HDGFL3: variants seen among roughly 807,000 people sequenced by gnomAD.
HDGFL3 encodes the protein HDGF like 3, also known as hepatoma-derived growth factor-related protein 3.
A neutral mutation model predicts 27.6 loss-of-function variants in HDGFL3; 6 were observed. The ratio of observed to expected loss-of-function variants is 0.22; its 90% CI spans 0.12 to 0.43. HDGFL3 has a LOEUF of 0.43. Ranked by LOEUF, HDGFL3 falls within the 20% of genes least tolerant of loss-of-function variation. The pLI, the probability that HDGFL3 is intolerant of heterozygous loss-of-function variation, is 1.00. For synonymous variants in HDGFL3, 88 were observed against 88.9 expected, an observed-to-expected ratio of 0.99 and a Z score of 0.05; for missense variants, 207 against 250.1, an observed-to-expected ratio of 0.83 and a Z score of 1.16.
At chr15:83,195,348 A>AT (rs956530739) in intron 1 of HDGFL3, among the ~76,000 whole-genome samples, 5 of 151,362 alleles carry the variant, frequency 3.3e-5, no homozygotes, top group South Asian at 2.1e-4. Context: ...TTTAATGTAG[A>AT]TTTTTTTTTG....
downstream of HDGFL3, chr15:83,127,382 G>C: frequency 6.2e-7 from 1 of 1,613,806 alleles, no homozygotes. Flanking sequence ...GTTCTATTCT[G>C]TTCCTTACTT....
intron 1 of HDGFL3, among the ~76,000 whole-genome samples, chr15:83,200,093 C>T (rs1025326527): frequency 2.0e-5 from 3 of 149,142 alleles, no homozygotes; most frequent in Non-Finnish European, 4.4e-5. Context: ...CCTGTAATCC[C>T]AGCACTTTGA....
At chr15:83,164,469 C>A (rs1233693585) in intron 1 of HDGFL3, among the ~76,000 whole-genome samples, 4 of 142,664 alleles carry the variant, frequency 2.8e-5, no homozygotes, top group Non-Finnish European at 4.6e-5. Flanking sequence ...TAATGCATAA[C>A]AGAATTATAA....
chr15:83,195,384 TA>T (rs1382473692), intron 1 of HDGFL3, among the ~76,000 whole-genome samples: 16 of 152,138 alleles, frequency 1.1e-4, no homozygotes, highest in African/African-American at 3.4e-4. Context: ...TTGCTAAATG[TA>T]ATAGTCTGAT....
rs926632702 is a variant in HDGFL3 at position 83,119,820 on chromosome 15, C to G, written c.394-4079G>C. 6 of 1,395,174 alleles carry G rather than the reference C, an allele frequency of 4.3e-6. No individual in the cohort carries two copies. The African/African-American group carries it at 5.7e-5, about 13-fold the overall frequency. 86.4% of individuals were successfully genotyped at this position (1,395,174 alleles called of 1,614,324 possible). A position where few individuals can be genotyped will look rare whatever the true frequency, so the allele number is the denominator to read the frequency against. On this transcript the variant is annotated intron_variant, in intron 3 of 3. Coordinates refer to the HDGFL3 transcript ENST00000568294. ...ATAAGTTCCATGGGTGCACGTCAGA[C>G]GTGGCTTTATCCTCCTTGTACCACT...
intron 5 of HDGFL3, among the ~76,000 whole-genome samples, chr15:83,143,250 G>T (rs1017661542): frequency 2.0e-5 from 3 of 152,132 alleles, no homozygotes; most frequent in Non-Finnish European, 4.4e-5. Flanking sequence ...GACCTCAGGT[G>T]ACCCACCCAC....
In HDGFL3 at chr15:83,132,339, A is replaced by G. The variant is rs2036309673; in HGVS notation, c.*6931T>C. ...GTATATAATTACCAAGAAAACAAAG[A>G]AACTGGGTGAAAGCTTTGGGACAGA... On this transcript the variant is annotated 3_prime_UTR_variant, in exon 6 of 6. Coordinates refer to ENST00000299633, the MANE Select transcript of HDGFL3 (RefSeq NM_016073.4). The G allele has an allele frequency of 6.6e-6, 1 of 152,228 alleles. No homozygotes were observed. The highest frequency in any genetic ancestry group is 1.5e-5 in the Non-Finnish European group (1 of 68,050). 9.4% of individuals were successfully genotyped at this position (152,228 alleles called of 1,614,324 possible).
At chr15:83,159,721 A>G (rs2037074368) in intron 2 of HDGFL3, among the ~76,000 whole-genome samples, 1 of 152,206 alleles carries the variant, frequency 6.6e-6, no homozygotes, top group Non-Finnish European at 1.5e-5. Flanking sequence ...TTGAAGAAAG[A>G]GCAAGTACAA....
intron 1 of HDGFL3, among the ~76,000 whole-genome samples, chr15:83,206,565 AAG>A (rs983934337): frequency 7.9e-5 from 12 of 152,218 alleles, no homozygotes; most frequent in Admixed American, 5.2e-4. Context: ...GTTATGTAGG[AAG>A]AGAGAGCTAT....
In HDGFL3 at chr15:83,128,555, A is replaced by C. The variant is rs539845787; in HGVS notation, c.*10715T>G. 6.6e-6 allele frequency: 1 copy of C among 152,270 alleles called. No homozygotes were observed. Among genetic ancestry groups the C allele is most frequent in the East Asian group, 1.9e-4 (1 of 5,178 alleles). 9.4% of individuals were successfully genotyped at this position (152,270 alleles called of 1,614,324 possible). ...TTAGGTCTTTATCTTTGTATCTTTC[A>C]ATACCAACTATAAGCTGATAACTTC... On this transcript the variant is annotated 3_prime_UTR_variant, in exon 6 of 6. Transcript: ENST00000299633.
intron 2 of HDGFL3, among the ~76,000 whole-genome samples, chr15:83,163,596 C>A (rs1179028507): frequency 2.0e-5 from 3 of 152,088 alleles, no homozygotes; most frequent in Non-Finnish European, 4.4e-5. Flanking sequence ...TCCTTGAGGG[C>A]CCAACAAGGT....
intron 1 of HDGFL3, among the ~76,000 whole-genome samples, chr15:83,170,876 C>CAAAA (rs34510031): frequency 5.1e-5 from 4 of 77,740 alleles, no homozygotes; most frequent in Admixed American, 2.3e-4. Context: ...ATTCAACAAG[C>CAAAA]AAAAAAAAAA....
At chr15:83,195,425 AAAAAT>A (rs1331079108) in intron 1 of HDGFL3, among the ~76,000 whole-genome samples, 1 of 151,416 alleles carries the variant, frequency 6.6e-6, no homozygotes, top group Non-Finnish European at 1.5e-5. Flanking sequence ...GTCTTTTTAA[AAAAAT>A]AAAAGAAAAA....
intron 1 of HDGFL3, among the ~76,000 whole-genome samples, chr15:83,167,890 C>G (rs191140159): frequency 6.6e-6 from 1 of 152,102 alleles, no homozygotes; most frequent in African/African-American, 2.4e-5. Context: ...CAAGATAGAC[C>G]ACATGCTTGG....
chr15:83,166,803 G>A (rs898010417), intron 1 of HDGFL3, among the ~76,000 whole-genome samples: 10 of 152,138 alleles, frequency 6.6e-5, no homozygotes, highest in African/African-American at 2.4e-4. Flanking sequence ...GGGGGAAGGT[G>A]CTACACACTT....
At chr15:83,143,877 C>T (rs1293766889) in intron 5 of HDGFL3, among the ~76,000 whole-genome samples, 2 of 152,156 alleles carry the variant, frequency 1.3e-5, no homozygotes, top group Admixed American at 6.5e-5. Flanking sequence ...TCCCTCCCTC[C>T]AGTTGTGTGG....
At chr15:83,143,360 G>GA (rs1567165398) in intron 5 of HDGFL3, among the ~76,000 whole-genome samples, 1 of 150,832 alleles carries the variant, frequency 6.6e-6, no homozygotes, top group African/African-American at 2.4e-5. Flanking sequence ...TGAGGCGGGC[G>GA]AATCACTTGA....
At chr15:83,140,684 G>A (rs1045893303) in intron 5 of HDGFL3, among the ~76,000 whole-genome samples, 1 of 152,060 alleles carries the variant, frequency 6.6e-6, no homozygotes, top group Non-Finnish European at 1.5e-5. Flanking sequence ...ATTTCACCAC[G>A]TTGGTCAGGC....
At chr15:83,200,311 C>G (rs58006707) in intron 1 of HDGFL3, among the ~76,000 whole-genome samples, 37,552 of 149,410 alleles carry the variant, frequency 0.25, 5,018 homozygotes, top group African/African-American at 0.34. Context: ...CTCCAGCCTT[C>G]ATGACAGAGC....
Sources: gnomAD v4.1 joint callset for allele counts (sites outside exome capture counted in the v4.1 genomes callset) on GRCh38, gnomAD v4.1.1 for gene constraint, MANE v1.5 for transcripts, NCBI Gene and HGNC (gene_info 2026-07-23, HGNC 2026-07-21) for gene names.